The following NKAIN2 variants were observed in gnomAD, a reference collection of about 807,000 sequenced individuals.
The protein encoded by NKAIN2 is sodium/potassium transporting ATPase interacting 2, also known as sodium/potassium-transporting ATPase subunit beta-1-interacting protein 2.
Under a neutral mutation model 32.6 loss-of-function variants are expected in NKAIN2, and 14 were observed. The ratio of observed to expected loss-of-function variants is 0.43; its 90% confidence interval spans 0.28 to 0.67. The LOEUF (loss-of-function observed/expected upper bound fraction) is 0.67, where lower values mean the gene tolerates loss of function less well. Ranked by LOEUF, NKAIN2 falls within the 30% of genes least tolerant of loss-of-function variation. The pLI, the probability that NKAIN2 is intolerant of heterozygous loss-of-function variation, is 0.17. For missense variants in NKAIN2, 198 were observed against 258.3 expected (o/e 0.77, Z 1.60); for synonymous variants, 80 against 87.2 (o/e 0.92, Z 0.46).
chr6:123,903,600 T>G (rs971325450), intron 1 of NKAIN2, among the ~76,000 whole-genome samples: 9 of 152,286 alleles, frequency 5.9e-5, no homozygotes, highest in Middle Eastern at 3.4e-3. Context: ...CTTAGCCCCC[T>G]TTTTTCTCCA....
At chr6:124,180,303 C>T (rs747044710) in intron 1 of NKAIN2, among the ~76,000 whole-genome samples, 1 of 152,128 alleles carries the variant, frequency 6.6e-6, no homozygotes, top group Non-Finnish European at 1.5e-5. Flanking sequence ...TGGTGAAAGG[C>T]AGGCAAAGGA....
Position 124,524,795 on chromosome 6 carries a change from A to G in NKAIN2, c.274-133391A>G, listed in dbSNP as rs58166117. 3.3e-3 allele frequency among the ~76,000 whole-genome samples: 499 copies of G among 152,264 alleles called. 4 individuals are homozygous for G. The highest frequency in any genetic ancestry group is 0.012 in the African/African-American group (478 of 41,546). On this transcript the variant is annotated intron_variant, in intron 3 of 6. Transcript: ENST00000368417. ...ATCAAGATAGTTCTCTGTGCTTTTGAATCAATATGCTTTTTTCACATAAAA... is the reference window on the plus strand; with the variant it reads ...ATCAAGATAGTTCTCTGTGCTTTTGGATCAATATGCTTTTTTCACATAAAA...
chr6:124,286,642 TTGTGTGTGTGTGTGTG>T (rs56396833), intron 2 of NKAIN2, among the ~76,000 whole-genome samples: 16 of 144,486 alleles, frequency 1.1e-4, no homozygotes, highest in African/African-American at 4.2e-4. Context: ...GTTTGGAAAA[TTGTGTGTGTGTGTGTG>T]TGTGTGTGTG....
At chr6:123,949,450 A>C (rs1012644401) in intron 1 of NKAIN2, among the ~76,000 whole-genome samples, 1 of 151,956 alleles carries the variant, frequency 6.6e-6, no homozygotes, top group Non-Finnish European at 1.5e-5. Context: ...ATGGCTTTCC[A>C]TTTGTTCCTG....
intron 1 of NKAIN2, among the ~76,000 whole-genome samples, chr6:124,040,159 A>C (rs1266519215): frequency 6.6e-6 from 1 of 152,024 alleles, no homozygotes; most frequent in Non-Finnish European, 1.5e-5. Flanking sequence ...TTAAATTTTC[A>C]AAATGAGCTT....
intron 1 of NKAIN2, among the ~76,000 whole-genome samples, chr6:124,229,311 T>A (rs1792298725): frequency 6.6e-6 from 1 of 152,150 alleles, no homozygotes; most frequent in Non-Finnish European, 1.5e-5. Context: ...TCAAACAAAT[T>A]AAAGATTCAC....
At chr6:124,709,378 C>A (rs542492537) in intron 4 of NKAIN2, among the ~76,000 whole-genome samples, 706 of 151,042 alleles carry the variant, frequency 4.7e-3, no homozygotes, top group Non-Finnish European at 6.4e-3. Flanking sequence ...AGGATTTCCT[C>A]TTTTTCTATT....
chr6:124,085,128 GTTTTGTCT>G (rs1784135338), intron 1 of NKAIN2, among the ~76,000 whole-genome samples: 2 of 151,918 alleles, frequency 1.3e-5, no homozygotes, highest in African/African-American at 4.8e-5. Flanking sequence ...TCAGGAAAAG[GTTTTGTCT>G]TTTTAAAATA....
At chr6:124,597,751 C>T (rs1017254975) in intron 3 of NKAIN2, among the ~76,000 whole-genome samples, 35 of 152,108 alleles carry the variant, frequency 2.3e-4, no homozygotes, top group African/African-American at 8.4e-4. Context: ...CTTCTGGCTT[C>T]CTCTAACCCT....
At chr6:124,541,144 CCT>C (rs1779896412) in intron 3 of NKAIN2, among the ~76,000 whole-genome samples, 1 of 152,086 alleles carries the variant, frequency 6.6e-6, no homozygotes, top group Non-Finnish European at 1.5e-5. Flanking sequence ...CACACACCTC[CCT>C]CTGTCAGCCA....
chr6:124,552,986 A>G (rs1780345845), intron 3 of NKAIN2, among the ~76,000 whole-genome samples: 1 of 152,234 alleles, frequency 6.6e-6, no homozygotes, highest in African/African-American at 2.4e-5. Context: ...TTTTTAATCC[A>G]ATTTTTCCTG....
At chr6:124,339,474 C>A (rs183405176) in intron 2 of NKAIN2, among the ~76,000 whole-genome samples, 4 of 152,260 alleles carry the variant, frequency 2.6e-5, no homozygotes, top group Admixed American at 1.3e-4. Flanking sequence ...TCGATCCTTG[C>A]CTCTTCCAGG....
chr6:124,109,746 T>C (rs1785287181), intron 1 of NKAIN2, among the ~76,000 whole-genome samples: 1 of 152,080 alleles, frequency 6.6e-6, no homozygotes, highest in Non-Finnish European at 1.5e-5. Context: ...ACTTTTCATA[T>C]ATCACTCTTG....
At chr6:124,612,139 A>T (rs1782713242) in intron 3 of NKAIN2, among the ~76,000 whole-genome samples, 1 of 151,898 alleles carries the variant, frequency 6.6e-6, no homozygotes, top group Non-Finnish European at 1.5e-5. Flanking sequence ...CTGATTATAT[A>T]ATATTATATA....
At chr6:123,809,799 C>A (rs1773378030) in intron 1 of NKAIN2, among the ~76,000 whole-genome samples, 2 of 152,034 alleles carry the variant, frequency 1.3e-5, no homozygotes, top group South Asian at 4.1e-4. Flanking sequence ...CAGGTATAGA[C>A]TCTTTTTGTT....
At chr6:124,094,439 CTT>C (rs1354369577) in intron 1 of NKAIN2, among the ~76,000 whole-genome samples, 1 of 152,014 alleles carries the variant, frequency 6.6e-6, no homozygotes, top group Non-Finnish European at 1.5e-5. Context: ...GAAATTGTGT[CTT>C]TGCATTTGTT....
intron 3 of NKAIN2, among the ~76,000 whole-genome samples, chr6:124,356,217 A>G (rs1798966093): frequency 6.6e-6 from 1 of 152,178 alleles, no homozygotes; most frequent in East Asian, 1.9e-4. Flanking sequence ...GAGAGCTAAA[A>G]AAAATTTTTT....
At chr6:124,408,901 G>A (rs1276494598) in intron 3 of NKAIN2, among the ~76,000 whole-genome samples, 1 of 152,150 alleles carries the variant, frequency 6.6e-6, no homozygotes, top group East Asian at 1.9e-4. Context: ...TCTCCTTGAA[G>A]TGGTCTTTCA....
intron 1 of NKAIN2, among the ~76,000 whole-genome samples, chr6:124,094,531 T>C (rs545455108): frequency 5.8e-4 from 89 of 152,278 alleles, no homozygotes; most frequent in African/African-American, 1.9e-3. Context: ...AGACTAAGAA[T>C]GAGGTAAGAA....
Sources: gnomAD v4.1 joint callset for allele counts (sites outside exome capture counted in the v4.1 genomes callset) on GRCh38, gnomAD v4.1.1 for gene constraint, MANE v1.5 for transcripts, NCBI Gene and HGNC (gene_info 2026-07-23, HGNC 2026-07-21) for gene names.